The following PTPDC1 variants were observed in gnomAD, a reference collection of about 807,000 sequenced individuals.
PTPDC1 encodes the protein protein tyrosine phosphatase domain-containing protein 1.
A neutral mutation model predicts 75.3 loss-of-function variants in PTPDC1; 53 were observed. The ratio of observed to expected loss-of-function variants is 0.70; its 90% confidence interval spans 0.56 to 0.88. The LOEUF (loss-of-function observed/expected upper bound fraction) is 0.88, where lower values mean the gene tolerates loss of function less well. Ranked by LOEUF, PTPDC1 falls within the 40% of genes least tolerant of loss-of-function variation. PTPDC1 has a pLI of 0.00. For synonymous variants in PTPDC1, 349 were observed against 366.2 expected (o/e 0.95, Z 0.54); for missense variants, 925 against 998.6 (o/e 0.93, Z 0.99).
intron 2 of PTPDC1, among the ~76,000 whole-genome samples, chr9:94,076,766 A>G (rs1826706817): frequency 6.6e-6 from 1 of 152,184 alleles, no homozygotes; most frequent in Admixed American, 6.5e-5. Context: ...ACCATTTTCC[A>G]AAGTGTTTGC....
intron 8 of PTPDC1, among the ~76,000 whole-genome samples, chr9:94,107,050 C>A (rs915393561): frequency 1.3e-5 from 2 of 152,162 alleles, no homozygotes; most frequent in African/African-American, 4.8e-5. Flanking sequence ...GCCTCCTGGG[C>A]TCCGGCAATC....
At chr9:94,075,304 C>T (rs574362628) in intron 2 of PTPDC1, among the ~76,000 whole-genome samples, 1 of 152,228 alleles carries the variant, frequency 6.6e-6, no homozygotes, top group African/African-American at 2.4e-5. Context: ...AAGATGAGAT[C>T]CATGTTTATC....
chr9:94,085,009 C>T (rs892669739), intron 1 of PTPDC1, among the ~76,000 whole-genome samples: 1 of 152,140 alleles, frequency 6.6e-6, no homozygotes, highest in Non-Finnish European at 1.5e-5. Flanking sequence ...AAAACATCTG[C>T]TTCTACAGTT....
chr9:94,078,172 C>T (rs922401389), intron 2 of PTPDC1, among the ~76,000 whole-genome samples: 1 of 152,160 alleles, frequency 6.6e-6, no homozygotes, highest in Non-Finnish European at 1.5e-5. Flanking sequence ...TCTGAAGAAC[C>T]TCCTTTATAT....
chr9:94,097,465 C>T lies in PTPDC1; in HGVS notation c.899C>T (p.Pro300Leu). ...CVREFTQFLTPLRNIFSCCDP... is the reference protein window; with the variant it reads ...CVREFTQFLTLLRNIFSCCDP... The stretch of plus-strand genomic sequence containing the variant: ...AGGGAATTTACTCAGTTTCTAACTC[C>T]TCTCCGCAATATATTCTCTTGCTGT... Residue 300 changes from proline (P) to leucine (L), a missense_variant, in exon 6 of 9, where the codon CCT (proline) becomes CTT (leucine). By Grantham distance (98) the Pro-to-Leu change is moderately conservative. Coordinates refer to ENST00000620992, the MANE Select transcript of PTPDC1 (RefSeq NM_001253829.2). The T allele has an allele frequency of 6.2e-7, 1 of 1,614,210 alleles. No individual in the cohort carries two copies. The highest frequency in any genetic ancestry group is 8.5e-7 in the Non-Finnish European group (1 of 1,180,038).
upstream of PTPDC1, among the ~76,000 whole-genome samples, chr9:94,081,767 A>C (rs534935674): frequency 1.9e-4 from 29 of 152,152 alleles, no homozygotes; most frequent in African/African-American, 7.0e-4. Flanking sequence ...AAGGGGAGAG[A>C]AGAAGGGCCC....
At chr9:94,044,799 A>T (rs975602129) in intron 1 of PTPDC1, among the ~76,000 whole-genome samples, 1 of 151,488 alleles carries the variant, frequency 6.6e-6, no homozygotes, top group African/African-American at 2.4e-5. Context: ...GAGAGAGCAC[A>T]TCTTGCCTCG....
intron 1 of PTPDC1, 28 bp downstream of exon 1, chr9:94,084,802 C>T (rs1307909935): frequency 9.0e-6 from 13 of 1,446,268 alleles, no homozygotes; most frequent in Non-Finnish European, 1.0e-5. Flanking sequence ...GATTGCCATA[C>T]CTATGTATAT....
chr9:94,041,645 C>T (rs1825430237), intron 1 of PTPDC1, among the ~76,000 whole-genome samples: 1 of 152,168 alleles, frequency 6.6e-6, no homozygotes, highest in Admixed American at 6.5e-5. Flanking sequence ...TTTTGTTACT[C>T]AAATTGTTTC....
chr9:94,063,032 C>T (rs536347195), intron 1 of PTPDC1, among the ~76,000 whole-genome samples: 6 of 152,312 alleles, frequency 3.9e-5, no homozygotes, highest in African/African-American at 1.4e-4. Flanking sequence ...GTCAGGTATA[C>T]ATGTTTCATT....
intron 1 of PTPDC1, among the ~76,000 whole-genome samples, chr9:94,058,841 A>T (rs1287819962): frequency 6.6e-6 from 1 of 152,066 alleles, no homozygotes; most frequent in Non-Finnish European, 1.5e-5. Context: ...TACAAAAAAA[A>T]TTAGCTGGGC....
At chr9:94,037,416 CTGT>C (rs1825304429) in intron 1 of PTPDC1, among the ~76,000 whole-genome samples, 1 of 152,096 alleles carries the variant, frequency 6.6e-6, no homozygotes, top group African/African-American at 2.4e-5. Context: ...ATAATCCACC[CTGT>C]TAATATTTTA....
At position 94,063,320 on chromosome 9, in the gene PTPDC1, A is replaced by G. The variant is rs370712631; in HGVS notation, c.-6-1414A>G. Among the ~76,000 whole-genome samples, 135 of 152,344 alleles carry G rather than the reference A, an allele frequency of 8.9e-4. 1 individual carries two copies. The highest frequency in any genetic ancestry group is 3.1e-3 in the African/African-American group (128 of 41,586). ...AATAGTCCAAATTTTAAAATATGGT[A>G]AAAAATGTTTTATCTAAGTCTAATC... On this transcript the variant is annotated intron_variant, in intron 1 of 9. Coordinates refer to the PTPDC1 transcript ENST00000375360.
At chr9:94,053,833 T>A (rs551047601) in intron 1 of PTPDC1, among the ~76,000 whole-genome samples, 1 of 152,352 alleles carries the variant, frequency 6.6e-6, no homozygotes, top group African/African-American at 2.4e-5. Flanking sequence ...CTATTTCTTG[T>A]GTTTGTGTAG....
intron 1 of PTPDC1, among the ~76,000 whole-genome samples, chr9:94,050,359 T>G (rs920543392): frequency 1.1e-4 from 17 of 152,208 alleles, no homozygotes; most frequent in African/African-American, 4.1e-4. Context: ...CTACCTTTGG[T>G]CTTTGATGTT....
At chr9:94,092,882 T>C (rs1827381100) in intron 4 of PTPDC1, among the ~76,000 whole-genome samples, 1 of 151,452 alleles carries the variant, frequency 6.6e-6, no homozygotes, top group African/African-American at 2.4e-5. Flanking sequence ...TTAAAGTCTG[T>C]TTTATCAGAG....
At chr9:94,107,737 G>A (rs1828071738) in intron 8 of PTPDC1, 91 bp from the exon 9 acceptor site, 2 of 600,448 alleles carry the variant, frequency 3.3e-6, no homozygotes, top group Non-Finnish European at 5.6e-6. Flanking sequence ...TTGTAAGTCT[G>A]TTTTTTTTCT....
At chr9:94,067,070 C>G (rs558325248) in intron 2 of PTPDC1, among the ~76,000 whole-genome samples, 1 of 152,128 alleles carries the variant, frequency 6.6e-6, no homozygotes, top group Admixed American at 6.5e-5. Context: ...GAAGCAAACT[C>G]AAGGCATCGC....
chr9:94,058,264 C>T (rs1826007732), intron 1 of PTPDC1, among the ~76,000 whole-genome samples: 4 of 151,952 alleles, frequency 2.6e-5, no homozygotes, highest in Admixed American at 6.6e-5. Flanking sequence ...GGTTGAGTAC[C>T]GATCTGCACA....
Sources: gnomAD v4.1 joint callset for allele counts (sites outside exome capture counted in the v4.1 genomes callset) on GRCh38, gnomAD v4.1.1 for gene constraint, MANE v1.5 for transcripts, NCBI Gene and HGNC (gene_info 2026-07-23, HGNC 2026-07-21) for gene names.